CNTNAP4: variants seen among roughly 807,000 people sequenced by gnomAD.
CNTNAP4 encodes contactin associated protein family member 4, also known as contactin-associated protein-like 4.
CNTNAP4 carries 98 observed loss-of-function variants against 148.4 expected under a neutral mutation model. That is an observed-to-expected ratio of 0.66 (90% confidence interval 0.56 to 0.78). The LOEUF (loss-of-function observed/expected upper bound fraction) is 0.78. Ranked by LOEUF, CNTNAP4 falls within the 30% of genes least tolerant of loss-of-function variation. CNTNAP4 has a pLI of 0.00. For synonymous variants in CNTNAP4, 730 were observed against 565.1 expected, an observed-to-expected ratio of 1.29 and a Z score of -4.14; for missense variants, 1,935 against 1,565.6, an observed-to-expected ratio of 1.24 and a Z score of -3.98.
intron 15 of CNTNAP4, among the ~76,000 whole-genome samples, chr16:76,501,792 C>T (rs1042122209): frequency 3.9e-5 from 6 of 152,136 alleles, no homozygotes; most frequent in African/African-American, 4.8e-5. Flanking sequence ...AATTTACGGC[C>T]GGGCGCGGTG....
chr16:76,450,791 G>C (rs971079842), intron 7 of CNTNAP4, among the ~76,000 whole-genome samples: 1 of 152,106 alleles, frequency 6.6e-6, no homozygotes, highest in African/African-American at 2.4e-5. Context: ...GTCTTGGTTA[G>C]GTTTCAGTTA....
At chr16:76,382,804 A>C (rs1041474656) in intron 3 of CNTNAP4, among the ~76,000 whole-genome samples, 1 of 152,186 alleles carries the variant, frequency 6.6e-6, no homozygotes. Context: ...AAAAGACTGG[A>C]TCCAAACTGA....
intron 13 of CNTNAP4, among the ~76,000 whole-genome samples, chr16:76,491,854 TTG>T (rs10577540): frequency 0.68 from 102,801 of 151,544 alleles, 35,073 homozygotes; most frequent in East Asian, 0.77. Context: ...TGATATCCCA[TTG>T]TGTGTGTGTG....
chr16:76,459,685 A>G (rs2080865878), intron 8 of CNTNAP4, among the ~76,000 whole-genome samples: 2 of 152,212 alleles, frequency 1.3e-5, no homozygotes, highest in Non-Finnish European at 2.9e-5. Context: ...GCAATATCAG[A>G]AAAAAGGCTG....
intron 12 of CNTNAP4, among the ~76,000 whole-genome samples, chr16:76,483,231 A>AACACACACACACACACACACACAC (rs59206208): frequency 2.1e-5 from 3 of 140,014 alleles, no homozygotes; most frequent in African/African-American, 2.6e-5. Flanking sequence ...AGTTTTAAGA[A>AACACACACACACACACACACACAC]ACACACACAC....
Position 76,553,341 on chromosome 16 carries a change from C to A in CNTNAP4, c.3501C>A (p.Cys1167Ter), listed in dbSNP as rs1263268120. ...ALAGAQGFTG[C>*]LSAVQLSHVA... ...CAGGTGCGCAGGGCTTCACAGGCTG[C>A]CTCTCTGCAGTGCAGCTCAGCCACG... The change falls in exon 22 of 24, where the codon TGC becomes TGA. Residue 1167 changes from cysteine (C) to a stop codon, truncating the protein, a stop_gained. Transcript: ENST00000611870. LOFTEE classifies it high-confidence loss of function. The A allele has an allele frequency of 6.2e-7, 1 of 1,612,974 alleles. No homozygotes were observed.
chr16:76,382,634 T>C (rs2016095736), intron 3 of CNTNAP4, among the ~76,000 whole-genome samples: 1 of 152,214 alleles, frequency 6.6e-6, no homozygotes, highest in Admixed American at 6.5e-5. Flanking sequence ...CTGAATATAT[T>C]TTCTCTTAAG....
At position 76,348,080 on chromosome 16, in the gene CNTNAP4, C is replaced by T. The variant is rs559056313; in HGVS notation, c.197-7238C>T. Among the ~76,000 whole-genome samples, 3 of 152,122 alleles carry T rather than the reference C, an allele frequency of 2.0e-5. No homozygotes were observed. In the South Asian group the frequency reaches 6.2e-4, roughly 32 times the overall value. ...ATATGGCCTGAATCAAAGGAGCATC[C>T]ATGAAGGCAGAAAAACAGCAGGATT... On this transcript the variant is annotated intron_variant, in intron 2 of 23. Transcript: ENST00000611870.
Position 76,535,574 on chromosome 16 carries a change from C to G in CNTNAP4, c.2785C>G (p.Leu929Val). The G allele has an allele frequency of 2.5e-6, 4 of 1,612,440 alleles. No homozygotes were observed. The highest frequency in any genetic ancestry group is 3.4e-6 in the Non-Finnish European group (4 of 1,179,928). The change falls in exon 18 of 24, where the codon CTG becomes GTG. Residue 929 changes from leucine to valine, a missense_variant. Coordinates refer to ENST00000611870, the MANE Select transcript of CNTNAP4 (RefSeq NM_033401.5). ...AACGGCCACCAGACAGAGAGGCTTT[C>G]TGGGCTGCATTCGGTCTCTGCAGTT... is the stretch of plus-strand genomic sequence containing the variant. Reference protein sequence around the residue: ...GGTATRQRGFLGCIRSLQLNG... With the variant: ...GGTATRQRGFVGCIRSLQLNG...
intron 14 of CNTNAP4, 28 bp downstream of exon 14, chr16:76,495,094 A>T (rs755306055): frequency 6.2e-7 from 1 of 1,610,082 alleles, no homozygotes; most frequent in Non-Finnish European, 8.5e-7. Flanking sequence ...TCTTTATGCA[A>T]GAAAAAGTTC....
chr16:76,297,678 A>C (rs561477830), intron 1 of CNTNAP4, among the ~76,000 whole-genome samples: 8 of 152,272 alleles, frequency 5.3e-5, no homozygotes, highest in African/African-American at 1.7e-4. Flanking sequence ...GAAGCTCAGA[A>C]GCTTATGATA....
intron 19 of CNTNAP4, among the ~76,000 whole-genome samples, chr16:76,539,282 T>C (rs2084348374): frequency 6.6e-6 from 1 of 152,092 alleles, no homozygotes; most frequent in Non-Finnish European, 1.5e-5. Flanking sequence ...GACATATTTC[T>C]TCTCTTTAGT....
intron 21 of CNTNAP4, among the ~76,000 whole-genome samples, chr16:76,551,587 A>G (rs1281910880): frequency 6.6e-6 from 1 of 152,192 alleles, no homozygotes; most frequent in Non-Finnish European, 1.5e-5. Context: ...TTTGGAATAC[A>G]GTAGGCCAGA....
At chr16:76,307,968 A>G (rs1255265694) in intron 1 of CNTNAP4, among the ~76,000 whole-genome samples, 1 of 152,248 alleles carries the variant, frequency 6.6e-6, no homozygotes, top group Non-Finnish European at 1.5e-5. Context: ...ACAGTTATAT[A>G]TAAATTCTAC....
intron 3 of CNTNAP4, among the ~76,000 whole-genome samples, chr16:76,391,952 G>A (rs1424144947): frequency 6.6e-6 from 1 of 152,138 alleles, no homozygotes; most frequent in East Asian, 1.9e-4. Context: ...ATAATACGAT[G>A]TATCAAATTA....
intron 3 of CNTNAP4, among the ~76,000 whole-genome samples, chr16:76,417,086 T>C (rs1042928863): frequency 7.3e-5 from 11 of 151,488 alleles, no homozygotes; most frequent in African/African-American, 2.7e-4. Context: ...CATTTACTTT[T>C]AATGTACGTT....
At chr16:76,434,754 G>A (rs548748593) in intron 4 of CNTNAP4, among the ~76,000 whole-genome samples, 46 of 152,288 alleles carry the variant, frequency 3.0e-4, no homozygotes, top group African/African-American at 1.0e-3. Flanking sequence ...TCCCAGCCAG[G>A]AAGCCAATGT....
At chr16:76,361,157 A>G (rs1001816710) in intron 3 of CNTNAP4, among the ~76,000 whole-genome samples, 4 of 152,116 alleles carry the variant, frequency 2.6e-5, no homozygotes, top group African/African-American at 9.7e-5. Flanking sequence ...AAAACTTAAC[A>G]TGAAATCTAA....
chr16:76,417,776 G>C (rs374333480), intron 3 of CNTNAP4, among the ~76,000 whole-genome samples: 2 of 151,602 alleles, frequency 1.3e-5, no homozygotes, highest in South Asian at 2.1e-4. Flanking sequence ...ATTTCTTATA[G>C]GGAAGGAATG....
Sources: allele counts gnomAD v4.1 joint callset (sites outside exome capture counted in the v4.1 genomes callset), GRCh38; gene constraint gnomAD v4.1.1; transcripts MANE v1.5; gene names NCBI Gene and HGNC (gene_info 2026-07-23, HGNC 2026-07-21).